Variants in GABRB2 observed in about 807,000 individuals in gnomAD.
GABRB2 encodes gamma-aminobutyric acid type A receptor subunit beta2.
A neutral mutation model predicts 54.7 loss-of-function variants in GABRB2; 16 were observed. That is an observed-to-expected ratio of 0.29 (90% CI 0.20 to 0.44). The LOEUF is 0.44. Ranked by LOEUF, GABRB2 falls within the 20% of genes least tolerant of loss-of-function variation. The pLI, the probability that GABRB2 is intolerant of heterozygous loss-of-function variation, is 1.00. For synonymous variants in GABRB2, 244 were observed against 233.8 expected, an observed-to-expected ratio of 1.04 and a Z score of -0.40; for missense variants, 355 against 644.0, an observed-to-expected ratio of 0.55 and a Z score of 4.86.
intron 4 of GABRB2, among the ~76,000 whole-genome samples, chr5:161,419,750 C>T (rs967177202): frequency 1.2e-4 from 19 of 152,076 alleles, no homozygotes; most frequent in Non-Finnish European, 2.6e-4. Context: ...TAAGTGGGAG[C>T]TAAAAAATGT....
chr5:161,534,013 A>G (rs897495465), intron 3 of GABRB2, among the ~76,000 whole-genome samples: 1 of 152,200 alleles, frequency 6.6e-6, no homozygotes, highest in Non-Finnish European at 1.5e-5. Flanking sequence ...TTGGTATTTT[A>G]AAATTGTTTT....
chr5:161,453,675 G>A (rs927236324), intron 4 of GABRB2, among the ~76,000 whole-genome samples: 1 of 152,054 alleles, frequency 6.6e-6, no homozygotes, highest in African/African-American at 2.4e-5. Flanking sequence ...AGACAGTGAG[G>A]ATTTTGTATT....
At chr5:161,370,918 C>T (rs374302757) in intron 5 of GABRB2, among the ~76,000 whole-genome samples, 1 of 152,174 alleles carries the variant, frequency 6.6e-6, no homozygotes, top group South Asian at 2.1e-4. Flanking sequence ...AACGACTTTG[C>T]TATAAATTTC....
intron 3 of GABRB2, among the ~76,000 whole-genome samples, chr5:161,529,151 C>G (rs1760374747): frequency 6.6e-6 from 1 of 151,868 alleles, no homozygotes; most frequent in Admixed American, 6.6e-5. Context: ...AGAAAAAAGT[C>G]AATTATAATT....
At chr5:161,511,353 A>G (rs1759762680) in intron 3 of GABRB2, among the ~76,000 whole-genome samples, 1 of 152,046 alleles carries the variant, frequency 6.6e-6, no homozygotes, top group African/African-American at 2.4e-5. Context: ...AAAAATTGAT[A>G]AAAATCAAGA....
At chr5:161,356,957 T>G (rs1320723808) in intron 5 of GABRB2, among the ~76,000 whole-genome samples, 1 of 152,206 alleles carries the variant, frequency 6.6e-6, no homozygotes, top group Non-Finnish European at 1.5e-5. Context: ...CACTTGGCAC[T>G]TATGGCACAT....
At chr5:161,473,397 G>T (rs1049323173) in intron 3 of GABRB2, among the ~76,000 whole-genome samples, 17 of 152,060 alleles carry the variant, frequency 1.1e-4, no homozygotes, top group African/African-American at 3.6e-4. Context: ...AAGGTGGCAG[G>T]TTCCGTGAAT....
chr5:161,536,534 G>T (rs906464617), intron 3 of GABRB2, among the ~76,000 whole-genome samples: 15 of 152,014 alleles, frequency 9.9e-5, no homozygotes, highest in African/African-American at 3.4e-4. Context: ...AAGTCTTCAG[G>T]CAAGCCTTTA....
At position 161,497,885 on chromosome 5, in the gene GABRB2, G is replaced by C. The variant is rs372792361; in HGVS notation, c.238-38041C>G. ...CTCTGGTGACTCTGACTTTGCTCTT[G>C]GAGTGCAGCTGTCACTTGTCTATCT... is the stretch of plus-strand genomic sequence containing the variant. On this transcript the variant is annotated intron_variant, in intron 3 of 9. Transcript: ENST00000393959. Among the ~76,000 whole-genome samples, 21 of 152,132 alleles carry C rather than the reference G, an allele frequency of 1.4e-4. No individual in the cohort carries two copies. In the East Asian group the frequency reaches 2.1e-3, roughly 15 times the overall value.
At chr5:161,326,940 A>G in intron 8 of GABRB2, 1 of 956,666 alleles carries the variant, frequency 1.0e-6, no homozygotes, top group Non-Finnish European at 1.2e-6. Context: ...AAAAATAAAC[A>G]AGGAAACAAT....
At chr5:161,344,086 T>C (rs964565979) in intron 5 of GABRB2, among the ~76,000 whole-genome samples, 1 of 152,118 alleles carries the variant, frequency 6.6e-6, no homozygotes, top group African/African-American at 2.4e-5. Context: ...TCATTTGCCA[T>C]GTGGTAAGTG....
At chr5:161,314,883 A>G (rs555023902) in intron 9 of GABRB2, among the ~76,000 whole-genome samples, 1 of 152,284 alleles carries the variant, frequency 6.6e-6, no homozygotes, top group South Asian at 2.1e-4. Context: ...AAATAAATTA[A>G]ATGTTAATAA....
At chr5:161,440,134 C>T (rs1414792227) in intron 4 of GABRB2, among the ~76,000 whole-genome samples, 3 of 148,318 alleles carry the variant, frequency 2.0e-5, no homozygotes, top group African/African-American at 7.4e-5. Flanking sequence ...TAAATCATAT[C>T]CAGAGAAAAT....
At chr5:161,347,957 A>C (rs1754366525) in intron 5 of GABRB2, among the ~76,000 whole-genome samples, 1 of 152,090 alleles carries the variant, frequency 6.6e-6, no homozygotes, top group South Asian at 2.1e-4. Context: ...TGATTTTATG[A>C]ATATTATAGG....
chr5:161,353,322 C>A (rs998521449), intron 5 of GABRB2, among the ~76,000 whole-genome samples: 2 of 151,956 alleles, frequency 1.3e-5, no homozygotes, highest in African/African-American at 4.8e-5. Context: ...AAGTAATATA[C>A]CTCCTGTTGC....
chr5:161,506,574 T>C (rs769920102), intron 3 of GABRB2, among the ~76,000 whole-genome samples: 4 of 152,182 alleles, frequency 2.6e-5, no homozygotes, highest in Non-Finnish European at 5.9e-5. Context: ...CATTCATTTA[T>C]ATATTATCTA....
intron 5 of GABRB2, among the ~76,000 whole-genome samples, chr5:161,404,736 C>A (rs935777509): frequency 1.3e-5 from 2 of 152,082 alleles, no homozygotes; most frequent in African/African-American, 4.8e-5. Context: ...TAAATTTTAG[C>A]AGGGATGTGA....
chr5:161,503,288 G>A (rs1265857265), intron 3 of GABRB2, among the ~76,000 whole-genome samples: 1 of 151,634 alleles, frequency 6.6e-6, no homozygotes, highest in African/African-American at 2.4e-5. Flanking sequence ...AAATCAAGTA[G>A]AAATTCTAGA....
chr5:161,389,151 A>G (rs762092782), intron 5 of GABRB2, among the ~76,000 whole-genome samples: 2 of 152,016 alleles, frequency 1.3e-5, no homozygotes, highest in Admixed American at 6.6e-5. Flanking sequence ...CAATTCAGTG[A>G]ACTTTCTTAT....
Sources: gnomAD v4.1 joint callset for allele counts (sites outside exome capture counted in the v4.1 genomes callset) on GRCh38, gnomAD v4.1.1 for gene constraint, MANE v1.5 for transcripts, NCBI Gene and HGNC (gene_info 2026-07-23, HGNC 2026-07-21) for gene names.